Variants in INTS1 observed in about 807,000 individuals in gnomAD.
The protein encoded by INTS1 is integrator complex subunit 1.
INTS1 carries 137 observed loss-of-function variants against 241.6 expected under a neutral mutation model. The ratio of observed to expected loss-of-function variants is 0.57; its 90% CI spans 0.49 to 0.65. The LOEUF (loss-of-function observed/expected upper bound fraction) is 0.65, where lower values mean the gene tolerates loss of function less well. Ranked by LOEUF, INTS1 falls within the 30% of genes least tolerant of loss-of-function variation. The pLI, the probability that INTS1 is intolerant of heterozygous loss-of-function variation, is 0.00. For missense variants in INTS1, 3,073 were observed against 3,032.2 expected (o/e 1.01, Z -0.32); for synonymous variants, 1,692 against 1,337.8 (o/e 1.26, Z -5.78).
chr7:1,474,671 G>C (rs1409789283), intron 40 of INTS1, 34 bp downstream of exon 40: 5 of 1,543,940 alleles, frequency 3.2e-6, no homozygotes, highest in Admixed American at 2.0e-5. Context: ...GGTTAAACCA[G>C]TGTCTGGCGA....
intron 16 of INTS1, among the ~76,000 whole-genome samples, chr7:1,491,546 A>T (rs993238304): frequency 5.3e-5 from 8 of 152,248 alleles, no homozygotes; most frequent in African/African-American, 1.9e-4. Flanking sequence ...TTTCTTAGAC[A>T]TGACACAAAA....
At chr7:1,474,597 CTTTT>C (rs1331406028) in intron 40 of INTS1, 104 bp downstream of exon 40, 2 of 1,408,024 alleles carry the variant, frequency 1.4e-6, no homozygotes, top group African/African-American at 1.4e-5. Context: ...TGGGAACATG[CTTTT>C]TTTTGTTGTT....
At position 1,498,863 on chromosome 7, in the gene INTS1, G is replaced by T. The variant is rs199689668; in HGVS notation, c.1138-11C>A. 1 of 1,594,002 alleles carries T rather than the reference G, an allele frequency of 6.3e-7. No homozygotes were observed. The stretch of plus-strand genomic sequence containing the variant: ...GGCCGGCCGGGTCAGCTGCGGGGCC[G>T]AGGAGGGAGCAGTGGGCTCACGGCC... On this transcript the variant is annotated splice_polypyrimidine_tract_variant and intron_variant, in intron 8 of 47. Coordinates refer to ENST00000404767, the MANE Select transcript of INTS1 (RefSeq NM_001080453.3).
rs1343762445 is a variant in INTS1 at position 1,498,823 on chromosome 7, C to T, written c.1167G>A (p.Met389Ile). The T allele has an allele frequency of 1.2e-6, 2 of 1,605,922 alleles. No individual in the cohort carries two copies. Among genetic ancestry groups the T allele is most frequent in the South Asian group, 1.1e-5 (1 of 88,968 alleles). The change falls in exon 9 of 48, where the codon ATG becomes ATA. Residue 389 changes from methionine to isoleucine, a missense_variant. Met to Ile is a conservative substitution (Grantham distance 10). Coordinates refer to ENST00000404767, the MANE Select transcript of INTS1 (RefSeq NM_001080453.3). ...GCGTGTTGCAGTTCATGCAGACGGA[C>T]ATCAGCAGGTCCTGGGCCGGCCGGG... The part of the protein sequence containing the change: ...KLTRPAQDLL[M>I]SVCMNCNTHG...
chr7:1,504,094 C>T, intron 1 of INTS1, 93 bp from the exon 2 acceptor site: 1 of 686,722 alleles, frequency 1.5e-6, no homozygotes, highest in South Asian at 2.0e-5. Flanking sequence ...GGGCCTGGGA[C>T]CCGGGGACAG....
Position 1,498,658 on chromosome 7 carries a change from A to ACACCCCCACTCCACCCG in INTS1, c.1283+32_1283+48dup, listed in dbSNP as rs1457242501. Reference sequence around the variant, plus strand: ...CCCCGCTCCGCCCACACCCCCACCCACACCCCCACTCCACCCGCACCCCCG... The same window carrying ACACCCCCACTCCACCCG: ...CCCCGCTCCGCCCACACCCCCACCCACACCCCCACTCCACCCGCACCCCCACTCCACCCGCACCCCCG... On this transcript the variant is annotated intron_variant, in intron 9 of 47. Coordinates refer to ENST00000404767, the MANE Select transcript of INTS1 (RefSeq NM_001080453.3). The ACACCCCCACTCCACCCG allele has an allele frequency of 4.6e-5, 12 of 261,700 alleles. No homozygotes were observed. In the Admixed American group the frequency reaches 1.2e-3, roughly 25 times the overall value. 16.2% of individuals were successfully genotyped at this position (261,700 alleles called of 1,614,324 possible).
Position 1,499,364 on chromosome 7 carries a change from C to A in INTS1, c.845-4G>T. The A allele has an allele frequency of 6.4e-7, 1 of 1,572,412 alleles. No individual in the cohort carries two copies. The highest frequency in any genetic ancestry group is 2.3e-5 in the East Asian group (1 of 44,362). ...AGGGAGGGGTGTGGGCTGCTCCCTG[C>A]AAACCAAGGAGAGGGCTCCATGCAG... On this transcript the variant is annotated splice_polypyrimidine_tract_variant and splice_region_variant and intron_variant, in intron 6 of 47. Coordinates refer to ENST00000404767, the MANE Select transcript of INTS1 (RefSeq NM_001080453.3).
intron 27 of INTS1, 117 bp downstream of exon 27, chr7:1,482,429 A>G: frequency 1.0e-6 from 1 of 1,003,912 alleles, no homozygotes; most frequent in Non-Finnish European, 1.4e-6. Context: ...CCCTGAGGCT[A>G]CCCGGCCAGT....
rs562210334 is a variant in INTS1 at position 1,504,001 on chromosome 7, C to G, written c.-41G>C. 1 of 1,473,872 alleles carries G rather than the reference C, an allele frequency of 6.8e-7. No individual in the cohort carries two copies. The highest frequency in any genetic ancestry group is 1.2e-5 in the South Asian group (1 of 80,682). 91.3% of individuals were successfully genotyped at this position (1,473,872 alleles called of 1,614,324 possible). ...GCGGCTCCCGGCGGCTGCGGCGTCA[C>G]CTGCGGAGGAGCCAGCGTGCGGTCA... On this transcript the variant is annotated splice_region_variant and 5_prime_UTR_variant, in exon 2 of 48. Coordinates refer to ENST00000404767, the MANE Select transcript of INTS1 (RefSeq NM_001080453.3).
intron 39 of INTS1, among the ~76,000 whole-genome samples, chr7:1,475,288 G>A (rs1006689797): frequency 1.3e-5 from 2 of 152,066 alleles, no homozygotes; most frequent in Non-Finnish European, 2.9e-5. Flanking sequence ...GGGAGGCTGA[G>A]GTGGGAGGCT....
chr7:1,499,657 C>G, intron 5 of INTS1, 25 bp from the exon 6 acceptor site: 1 of 1,576,386 alleles, frequency 6.3e-7, no homozygotes, highest in Middle Eastern at 1.7e-4. Flanking sequence ...CACCCTCAGC[C>G]CCGAGCCCAG....
At position 1,478,881 on chromosome 7, in the gene INTS1, C is replaced by T. The variant is rs775663405; in HGVS notation, c.4334G>A (p.Cys1445Tyr). The change falls in exon 32 of 48, where the codon TGT (cysteine) becomes TAT (tyrosine). Residue 1445 changes from cysteine to tyrosine, a missense_variant. Transcript: ENST00000404767. ...GGAGAAGCCGGTGTCCTGTGGCACA[C>T]AGCGCTGCGGGGACAAAGTGGCACG... ...LLRQLCQYQR[C>Y]VPQDTGFSSL... The T allele has an allele frequency of 3.1e-6, 5 of 1,606,030 alleles. No homozygotes were observed. The highest frequency in any genetic ancestry group is 4.3e-6 in the Non-Finnish European group (5 of 1,175,308).
rs182142267 is a variant in INTS1 at position 1,475,386 on chromosome 7, C to T, written c.5503-548G>A. ...GGCAACAGACACCCTGCCTCAAAAA[C>T]CCTCCACAAAACTGCACATCAAGTG... On this transcript the variant is annotated intron_variant, in intron 39 of 47. Transcript: ENST00000404767. Among the ~76,000 whole-genome samples, 18 of 152,160 alleles carry T rather than the reference C, an allele frequency of 1.2e-4. No homozygotes were observed. The East Asian group carries it at 3.3e-3, about 28-fold the overall frequency.
Position 1,479,615 on chromosome 7 carries a change from G to C in INTS1, c.4144C>G (p.Gln1382Glu), listed in dbSNP as rs1180857755. The stretch of plus-strand genomic sequence containing the variant: ...CGGGCCAGCTCCTGGCCCAGGGCCT[G>C]CTGCAGGGCGAGGGCCACGGGGCGG... Reference protein sequence around the residue: ...SPRPVALALQQALGQELARVV... With the variant: ...SPRPVALALQEALGQELARVV... The change falls in exon 31 of 48, where the codon CAG becomes GAG. Residue 1382 changes from glutamine to glutamate, a missense_variant. Coordinates refer to ENST00000404767, the MANE Select transcript of INTS1 (RefSeq NM_001080453.3). 8 of 1,529,490 alleles carry C rather than the reference G, an allele frequency of 5.2e-6. No individual in the cohort carries two copies. The highest frequency in any genetic ancestry group is 8.8e-7 in the Non-Finnish European group (1 of 1,135,506). The allele number at this position is 1,529,490 out of a possible 1,614,324, so 94.7% of individuals were successfully genotyped here. A position where few individuals can be genotyped will look rare whatever the true frequency, so the allele number is the denominator to read the frequency against.
In INTS1 at chr7:1,494,523, G is replaced by A. The variant is rs114844374; in HGVS notation, c.1910+293C>T. The A allele has an allele frequency of 3.5e-3, 1,798 of 508,062 alleles. 27 individuals carry two copies. Among genetic ancestry groups the A allele is most frequent in the African/African-American group, 0.033 (1,698 of 51,616 alleles). 31.5% of individuals were successfully genotyped at this position (508,062 alleles called of 1,614,324 possible). On this transcript the variant is annotated intron_variant, in intron 14 of 47. Coordinates refer to ENST00000404767, the MANE Select transcript of INTS1 (RefSeq NM_001080453.3). ...CATCTGAGACTGCGTGAAGGGTGGC[G>A]TGCCCGTGGACGCCCTGGAAGCAAC...
In INTS1 at chr7:1,476,236, C is replaced by G; in HGVS notation, c.5371G>C (p.Gly1791Arg). Residue 1791 changes from glycine to arginine, a missense_variant, in exon 38 of 48, where the codon GGA becomes CGA. Coordinates refer to ENST00000404767, the MANE Select transcript of INTS1 (RefSeq NM_001080453.3). ...EHLSGCIQQW[G>R]DSVLGRRCRD... ...GCCGGGGGGCCTGAGCACCTGTCTC[C>G]CCACTGCTGGATGCAGCCTGACAGG... 3.9e-6 allele frequency: 6 copies of G among 1,554,218 alleles called. No homozygotes were observed. Among genetic ancestry groups the G allele is most frequent in the Non-Finnish European group, 5.2e-6 (6 of 1,150,394 alleles).
chr7:1,483,505 G>T, intron 26 of INTS1: 2 of 587,116 alleles, frequency 3.4e-6, no homozygotes, highest in Non-Finnish European at 6.2e-6. Flanking sequence ...CCAGCTCAGG[G>T]CTCTACAGGC....
At chr7:1,487,994 CA>C in intron 18 of INTS1, 37 bp from the exon 19 acceptor site, 1 of 1,604,620 alleles carries the variant, frequency 6.2e-7, no homozygotes, top group Admixed American at 1.7e-5. Flanking sequence ...CCCTGCCCCC[CA>C]TGAAGGGCTC....
intron 2 of INTS1, among the ~76,000 whole-genome samples, chr7:1,503,544 G>A (rs921559929): frequency 2.6e-5 from 4 of 152,242 alleles, no homozygotes; most frequent in Admixed American, 6.5e-5. Flanking sequence ...CACACAGCAG[G>A]CGAGTGGCAA....
Sources: allele counts gnomAD v4.1 joint callset (sites outside exome capture counted in the v4.1 genomes callset), GRCh38; gene constraint gnomAD v4.1.1; transcripts MANE v1.5; gene names NCBI Gene and HGNC (gene_info 2026-07-23, HGNC 2026-07-21).